TRIM8: variants seen among roughly 807,000 people sequenced by gnomAD.
TRIM8 encodes tripartite motif containing 8, also known as E3 ubiquitin-protein ligase TRIM8.
TRIM8 carries 9 observed loss-of-function variants against 55.7 expected under a neutral mutation model. The observed-to-expected ratio is 0.16, with a 90% CI of 0.10 to 0.28. The LOEUF is 0.28. Among genes scored for constraint, TRIM8 ranks in the 10% least tolerant of loss-of-function variants. TRIM8 has a pLI of 1.00. For missense variants in TRIM8, 556 were observed against 736.4 expected (o/e 0.76, Z 2.83); for synonymous variants, 335 against 333.3 (o/e 1.01, Z -0.06).
intron 3 of TRIM8, 148 bp from the exon 4 acceptor site, chr10:102,655,958 A>G: frequency 8.9e-7 from 1 of 1,127,604 alleles, no homozygotes. Flanking sequence ...GCAAATGGCC[A>G]CCCCTACCCC....
intron 1 of TRIM8, among the ~76,000 whole-genome samples, chr10:102,647,623 T>A (rs568594812): frequency 6.6e-6 from 1 of 152,102 alleles, no homozygotes; most frequent in Non-Finnish European, 1.5e-5. Context: ...GGAGCGCTCT[T>A]CCTTGGCCCC....
intron 3 of TRIM8, among the ~76,000 whole-genome samples, chr10:102,655,561 A>T (rs1052745878): frequency 6.6e-6 from 1 of 152,192 alleles, no homozygotes; most frequent in Non-Finnish European, 1.5e-5. Context: ...CCACAATTCC[A>T]CATTTATAAA....
chr10:102,650,258 A>G (rs990336140), intron 1 of TRIM8, among the ~76,000 whole-genome samples: 1 of 152,210 alleles, frequency 6.6e-6, no homozygotes, highest in Non-Finnish European at 1.5e-5. Flanking sequence ...TGGCCTGGCC[A>G]GTCAGTCTCC....
intron 2 of TRIM8, 108 bp downstream of exon 2, chr10:102,654,856 C>T (rs189289372): frequency 2.0e-6 from 2 of 977,148 alleles, no homozygotes; most frequent in East Asian, 4.8e-5. Context: ...AGAACCACTC[C>T]ATCAGTCATT....
At chr10:102,652,878 G>A (rs1303579980) in intron 1 of TRIM8, among the ~76,000 whole-genome samples, 1 of 150,712 alleles carries the variant, frequency 6.6e-6, no homozygotes, top group Non-Finnish European at 1.5e-5. Flanking sequence ...ATCTTGGCTC[G>A]CTACAGCCTT....
intron 1 of TRIM8, among the ~76,000 whole-genome samples, chr10:102,648,260 G>A (rs959953543): frequency 1.2e-4 from 19 of 152,098 alleles, no homozygotes; most frequent in Non-Finnish European, 2.2e-4. Context: ...GGAGCTGGGG[G>A]GCATCCTTAT....
chr10:102,657,069 C>A lies in TRIM8; in HGVS notation c.1371C>A (p.Leu457=), dbSNP rs2064032180. 2 of 1,613,524 alleles carry A rather than the reference C, an allele frequency of 1.2e-6. No homozygotes were observed. Among genetic ancestry groups the A allele is most frequent in the East Asian group, 2.2e-5 (1 of 44,876 alleles). The change falls in exon 6 of 6, where the codon CTC becomes CTA. Residue 457 remains leucine (L), a synonymous_variant. Transcript: ENST00000643721. ...GCTCCGCCGCCCAGCAGCCCATGCTCCCCCAGTATGGCGGCCGCAAGATTC... is the reference window on the plus strand; with the variant it reads ...GCTCCGCCGCCCAGCAGCCCATGCTACCCCAGTATGGCGGCCGCAAGATTC... ...PNGSAAQQPM[L]PQYGGRKILV... is the part of the protein sequence containing the mutation.
At chr10:102,654,912 C>A (rs1324289035) in intron 2 of TRIM8, 164 bp downstream of exon 2, 1 of 933,478 alleles carries the variant, frequency 1.1e-6, no homozygotes, top group African/African-American at 1.6e-5. Context: ...GGATGCTGGC[C>A]CAGAGCCCTG....
Position 102,657,169 on chromosome 10 carries a change from G to A in TRIM8, c.1471G>A (p.Gly491Ser), listed in dbSNP as rs752515461. ...CGGCCACCAGCCCTACCCCCGCTCCGGCCACTTTCCCTGGACAGTGCCCTC... is the reference window on the plus strand; with the variant it reads ...CGGCCACCAGCCCTACCCCCGCTCCAGCCACTTTCCCTGGACAGTGCCCTC... ...HGGHQPYPRS[G>S]HFPWTVPSQE... is the part of the protein sequence containing the mutation. Residue 491 changes from glycine (G) to serine (S), a missense_variant, in exon 6 of 6, where the codon GGC becomes AGC. Around this residue, in one of 2 missense-constraint regions of TRIM8, gnomAD observed 391 missense variants for 441.0 expected, o/e 0.89. Coordinates refer to ENST00000643721, the MANE Select transcript of TRIM8 (RefSeq NM_030912.3). 5.0e-6 allele frequency: 8 copies of A among 1,613,600 alleles called. No homozygotes were observed. The highest frequency in any genetic ancestry group is 2.7e-5 in the African/African-American group (2 of 74,874).
chr10:102,653,098 C>T (rs1293526433), intron 1 of TRIM8, among the ~76,000 whole-genome samples: 1 of 152,192 alleles, frequency 6.6e-6, no homozygotes, highest in South Asian at 2.1e-4. Context: ...AGCACCTGAC[C>T]TTATTTTTTA....
At chr10:102,646,671 C>T (rs890692159) in intron 1 of TRIM8, among the ~76,000 whole-genome samples, 1 of 152,188 alleles carries the variant, frequency 6.6e-6, no homozygotes, top group East Asian at 1.9e-4. Context: ...CTGTGTCCTC[C>T]ATCCCCGTTC....
chr10:102,647,797 A>G (rs565014392), intron 1 of TRIM8, among the ~76,000 whole-genome samples: 19 of 152,238 alleles, frequency 1.2e-4, no homozygotes, highest in Middle Eastern at 3.4e-3. Context: ...TCCCAGGGGG[A>G]TTGCTGACAT....
chr10:102,655,355 CA>C (rs2064015920), intron 3 of TRIM8, 42 bp downstream of exon 3: 1 of 1,571,390 alleles, frequency 6.4e-7, no homozygotes, highest in African/African-American at 1.4e-5. Context: ...CCCAGAGGGC[CA>C]TTTCCAAATT....
At chr10:102,655,714 G>A (rs2064018372) in intron 3 of TRIM8, among the ~76,000 whole-genome samples, 1 of 152,214 alleles carries the variant, frequency 6.6e-6, no homozygotes, top group Non-Finnish European at 1.5e-5. Flanking sequence ...GTATTAGATT[G>A]TTGTGTCTTG....
At position 102,658,264 on chromosome 10, in the gene TRIM8, G is replaced by A. The variant is rs752108881; in HGVS notation, c.*910G>A. On this transcript the variant is annotated 3_prime_UTR_variant, in exon 6 of 6. Transcript: ENST00000643721. ...AGGCGCAGGTATTTATTCTGTATCTGTCTAGAGCACACACCAAAATCCAAC... is the reference window on the plus strand; with the variant it reads ...AGGCGCAGGTATTTATTCTGTATCTATCTAGAGCACACACCAAAATCCAAC... The A allele has an allele frequency of 1.3e-5, 2 of 152,214 alleles. No homozygotes were observed. Among genetic ancestry groups the A allele is most frequent in the African/African-American group, 4.8e-5 (2 of 41,426 alleles). 9.4% of individuals were successfully genotyped at this position (152,214 alleles called of 1,614,324 possible).
chr10:102,652,130 G>A (rs962729612), intron 1 of TRIM8, among the ~76,000 whole-genome samples: 2 of 152,178 alleles, frequency 1.3e-5, no homozygotes, highest in East Asian at 3.9e-4. Context: ...CTGGGTCACT[G>A]AAAGGTTAAG....
chr10:102,650,330 C>T (rs948842846), intron 1 of TRIM8, among the ~76,000 whole-genome samples: 3 of 152,114 alleles, frequency 2.0e-5, no homozygotes, highest in Non-Finnish European at 2.9e-5. Context: ...TGCTCCAGGC[C>T]GGGAGGGGAG....
Position 102,654,730 on chromosome 10 carries a change from A to C in TRIM8, c.648A>C (p.Ser216=), listed in dbSNP as rs750014323. Residue 216 remains serine (S), a synonymous_variant, in exon 2 of 6, where the codon TCA becomes TCC. Coordinates refer to ENST00000643721, the MANE Select transcript of TRIM8 (RefSeq NM_030912.3). ...DIEDQLYKLE[S]DKRLVEEKVN... ...AGGACCAGCTGTACAAACTCGAGTC[A>C]GACAAGCGCCTGGTGGAGGTAGCTA... is the stretch of plus-strand genomic sequence containing the variant. The C allele has an allele frequency of 9.9e-6, 16 of 1,614,166 alleles. 1 individual carries two copies. The South Asian group carries it at 1.8e-4, about 18-fold the overall frequency.
chr10:102,649,033 G>GGTGTGTGT (rs58956109), intron 1 of TRIM8, among the ~76,000 whole-genome samples: 149 of 151,174 alleles, frequency 9.9e-4, no homozygotes, highest in Middle Eastern at 3.4e-3. Context: ...TCTGTCTGCA[G>GGTGTGTGT]GTGTGTGTGT....
Sources: allele counts gnomAD v4.1 joint callset (sites outside exome capture counted in the v4.1 genomes callset), GRCh38; gene constraint gnomAD v4.1.1; regional missense constraint gnomAD v4.1.1; transcripts MANE v1.5; gene names NCBI Gene and HGNC (gene_info 2026-07-23, HGNC 2026-07-21).